The following BANP variants were observed in gnomAD, a reference collection of about 807,000 sequenced individuals.
BANP encodes BTG3 associated nuclear protein, also known as protein BANP.
In BANP, 11 loss-of-function variants were observed where a neutral mutation model predicts 68.1. That is an observed-to-expected ratio of 0.16 (90% CI 0.10 to 0.27). The LOEUF (loss-of-function observed/expected upper bound fraction) is 0.27. Among genes scored for constraint, BANP ranks in the 10% least tolerant of loss-of-function variants. The pLI is 1.00. For synonymous variants in BANP, 329 were observed against 303.2 expected, an observed-to-expected ratio of 1.09 and a Z score of -0.88; for missense variants, 504 against 722.7, an observed-to-expected ratio of 0.70 and a Z score of 3.47.
chr16:88,057,803 C>G lies in BANP; in HGVS notation c.1312-7464C>G, dbSNP rs7188423. Reference sequence around the variant, plus strand: ...CTCGCGCTGGCCCTGTCCCCGCACCCTGGACTCCAGGGCAAGTGGTGCTGG... The same window carrying G: ...CTCGCGCTGGCCCTGTCCCCGCACCGTGGACTCCAGGGCAAGTGGTGCTGG... On this transcript the variant is annotated intron_variant, in intron 11 of 13. Transcript: ENST00000682872. The surrounding 1 kb of genome is among the most constrained non-coding windows in gnomAD (Gnocchi z 4.6). Among the ~76,000 whole-genome samples, 3,335 of 151,632 alleles carry G rather than the reference C, an allele frequency of 0.022. 139 individuals carry two copies. The highest frequency in any genetic ancestry group is 0.078 in the African/African-American group (3,184 of 41,066).
chr16:88,018,174 C>T lies in BANP; in HGVS notation c.656-254C>T, dbSNP rs982082612. Among the ~76,000 whole-genome samples the T allele has an allele frequency of 2.6e-5, 4 of 151,642 alleles. No individual in the cohort carries two copies. The highest frequency in any genetic ancestry group is 7.3e-5 in the African/African-American group (3 of 41,230). On this transcript the variant is annotated intron_variant, in intron 6 of 13. Transcript: ENST00000682872. The surrounding 1 kb of genome is among the most constrained non-coding windows in gnomAD (Gnocchi z 7.7). ...TGTGACCGTGTTGGCGCTCAGGTCC[C>T]GAGGCCCTGCAGCCCCACAGGCACG...
intron 11 of BANP, among the ~76,000 whole-genome samples, chr16:88,038,298 G>T (rs1435588184): frequency 1.3e-5 from 2 of 152,194 alleles, no homozygotes; most frequent in African/African-American, 4.8e-5. Flanking sequence ...GCTCTCGCGG[G>T]AGGGAGCGAG....
intron 13 of BANP, among the ~76,000 whole-genome samples, chr16:88,073,524 A>T (rs563785557): frequency 1.9e-4 from 29 of 151,648 alleles, no homozygotes; most frequent in African/African-American, 7.0e-4. Flanking sequence ...GGTGAGGGCC[A>T]TGGGCGCAGA....
chr16:87,956,564 G>A (rs938421430), intron 1 of BANP: 2 of 152,250 alleles, frequency 1.3e-5, no homozygotes, highest in Admixed American at 6.5e-5. Context: ...CACTTGTTTT[G>A]TTCTCAGCTG....
At chr16:88,054,151 ACCT>A (rs1261131922) in intron 11 of BANP, among the ~76,000 whole-genome samples, 1 of 113,150 alleles carries the variant, frequency 8.8e-6, no homozygotes, top group East Asian at 2.2e-4. Flanking sequence ...TACCACCACC[ACCT>A]CCACCATCAT....
intron 6 of BANP, among the ~76,000 whole-genome samples, chr16:88,013,373 G>A (rs552502990): frequency 2.0e-5 from 3 of 152,192 alleles, no homozygotes; most frequent in Admixed American, 2.0e-4. Flanking sequence ...GCAGTGTGAC[G>A]TGGGCCTGCC....
intron 7 of BANP, among the ~76,000 whole-genome samples, chr16:88,025,846 T>C (rs1445616972): frequency 6.6e-6 from 1 of 152,212 alleles, no homozygotes; most frequent in Non-Finnish European, 1.5e-5. Context: ...CTTTTCAGCT[T>C]AATCTTTTTA....
At chr16:88,048,084 C>T (rs1291489525) in intron 11 of BANP, among the ~76,000 whole-genome samples, 1 of 152,210 alleles carries the variant, frequency 6.6e-6, no homozygotes, top group Admixed American at 6.5e-5. Flanking sequence ...GTGGCTTCCG[C>T]AGCTGGCCGT....
upstream of BANP, among the ~76,000 whole-genome samples, chr16:87,951,188 C>A (rs1425003714): frequency 2.6e-5 from 4 of 152,254 alleles, no homozygotes; most frequent in Non-Finnish European, 4.4e-5. Flanking sequence ...AGACCGTCCA[C>A]TGAGGTGATT....
chr16:88,046,891 C>G (rs910401886), intron 11 of BANP, among the ~76,000 whole-genome samples: 2 of 151,856 alleles, frequency 1.3e-5, no homozygotes, highest in African/African-American at 2.4e-5. Flanking sequence ...ACGGTGAAAC[C>G]CCGTCTCTAC....
intron 4 of BANP, among the ~76,000 whole-genome samples, chr16:87,993,257 C>G (rs1244889609): frequency 6.6e-6 from 1 of 152,244 alleles, no homozygotes; most frequent in Non-Finnish European, 1.5e-5. Flanking sequence ...CAGCTTTCAT[C>G]CTGCACTTGG....
chr16:87,958,053 A>G (rs1364390918), intron 1 of BANP, among the ~76,000 whole-genome samples: 2 of 152,176 alleles, frequency 1.3e-5, no homozygotes, highest in African/African-American at 4.8e-5. Flanking sequence ...CCTGTTTCCC[A>G]GCCAACAGTT....
At chr16:87,961,407 G>GTCCCCC (rs2059103943) in intron 1 of BANP, among the ~76,000 whole-genome samples, 1 of 117,570 alleles carries the variant, frequency 8.5e-6, no homozygotes, top group Non-Finnish European at 2.0e-5. Context: ...CACAGAATCT[G>GTCCCCC]CACCCCCCCG....
At chr16:87,987,022 G>T (rs1212802629) in intron 4 of BANP, among the ~76,000 whole-genome samples, 2 of 152,146 alleles carry the variant, frequency 1.3e-5, no homozygotes, top group Non-Finnish European at 2.9e-5. Flanking sequence ...TAGGATAAAA[G>T]TATATTCTAT....
chr16:88,075,843 T>G (rs1392293977), intron 13 of BANP, among the ~76,000 whole-genome samples: 1 of 148,038 alleles, frequency 6.8e-6, no homozygotes, highest in Non-Finnish European at 1.5e-5. Context: ...GCCTCTTGGG[T>G]TCAAGTGATT....
intron 1 of BANP, among the ~76,000 whole-genome samples, chr16:87,955,518 T>A (rs2144591118): frequency 6.6e-6 from 1 of 152,360 alleles, no homozygotes; most frequent in African/African-American, 2.4e-5. Context: ...CATTATTGCG[T>A]AAATGACAGA....
At chr16:88,040,281 G>A (rs2080432485) in intron 11 of BANP, among the ~76,000 whole-genome samples, 1 of 142,452 alleles carries the variant, frequency 7.0e-6, no homozygotes, top group African/African-American at 2.6e-5. Context: ...TCCATCATTT[G>A]GCCAGTTCTC....
chr16:88,052,627 C>T (rs978056025), intron 11 of BANP, among the ~76,000 whole-genome samples: 2 of 151,342 alleles, frequency 1.3e-5, no homozygotes, highest in African/African-American at 2.4e-5. Flanking sequence ...CTCCATCATC[C>T]TCACCATTAT....
At position 87,978,416 on chromosome 16, in the gene BANP, G is replaced by A. The variant is rs554803545; in HGVS notation, c.71-2620G>A. On this transcript the variant is annotated intron_variant, in intron 2 of 13. Coordinates refer to ENST00000682872, the MANE Select transcript of BANP (RefSeq NM_001386991.1). ...ACTAAAAGGTTAGAGTAATGAGTAC[G>A]AGGGTCTCTCTCTGTTCTTCCAGGC... The A allele has an allele frequency of 9.0e-4, 312 of 347,498 alleles. 3 individuals carry two copies. Among genetic ancestry groups the A allele is most frequent in the South Asian group, 5.5e-3 (260 of 46,874 alleles). 21.5% of individuals were successfully genotyped at this position (347,498 alleles called of 1,614,324 possible).
Sources: allele counts gnomAD v4.1 joint callset (sites outside exome capture counted in the v4.1 genomes callset), GRCh38; gene constraint gnomAD v4.1.1; non-coding constraint Gnocchi (gnomAD v3.1); transcripts MANE v1.5; gene names NCBI Gene and HGNC (gene_info 2026-07-23, HGNC 2026-07-21).